The following JAK1 variants were observed in gnomAD, a reference collection of about 807,000 sequenced individuals.
JAK1 encodes the protein tyrosine-protein kinase JAK1.
JAK1 carries 16 observed loss-of-function variants against 136.6 expected under a neutral mutation model. The ratio of observed to expected loss-of-function variants is 0.12; its 90% CI spans 0.08 to 0.18. JAK1 has a LOEUF of 0.18. Among genes scored for constraint, JAK1 ranks in the 10% least tolerant of loss-of-function variants. The pLI is 1.00. For synonymous variants in JAK1, 492 were observed against 519.5 expected, an observed-to-expected ratio of 0.95 and a Z score of 0.72; for missense variants, 859 against 1,450.1, an observed-to-expected ratio of 0.59 and a Z score of 6.62.
chr1:65,019,978 C>A lies in JAK1; in HGVS notation c.-78+24502G>T, dbSNP rs149649301. Among the ~76,000 whole-genome samples, 249 of 151,776 alleles carry A rather than the reference C, an allele frequency of 1.6e-3. 1 individual carries two copies. Among genetic ancestry groups the A allele is most frequent in the African/African-American group, 5.8e-3 (242 of 41,384 alleles). ...TGGTGGCTCACGCCTGTAATCAAAG[C>A]ACTTTGGGAGGCCAAGGTGGGCAGA... is the stretch of plus-strand genomic sequence containing the variant. On this transcript the variant is annotated intron_variant, in intron 2 of 25. Coordinates refer to the JAK1 transcript ENST00000671954.
At chr1:65,024,660 C>CAAAAA in intron 2 of JAK1, among the ~76,000 whole-genome samples, 534 of 68,498 alleles carry the variant, frequency 7.8e-3, no homozygotes, top group Middle Eastern at 0.02. Flanking sequence ...TGGTCCAAAG[C>CAAAAA]AAAAAAAAAA....
At chr1:64,900,279 A>G (rs1645084573) in intron 1 of JAK1, among the ~76,000 whole-genome samples, 1 of 152,234 alleles carries the variant, frequency 6.6e-6, no homozygotes, top group African/African-American at 2.4e-5. Context: ...GAGGACAAAG[A>G]GATCATTCTA....
intron 1 of JAK1, among the ~76,000 whole-genome samples, chr1:64,913,193 T>C (rs764225861): frequency 1.2e-4 from 18 of 152,162 alleles, no homozygotes; most frequent in Non-Finnish European, 2.4e-4. Context: ...CTGGCTAATT[T>C]TTCTATTTTT....
At chr1:64,950,919 T>A (rs1646074246) in intron 1 of JAK1, among the ~76,000 whole-genome samples, 1 of 152,236 alleles carries the variant, frequency 6.6e-6, no homozygotes, top group African/African-American at 2.4e-5. Context: ...CTCTGATTCC[T>A]TTATTTCTCC....
chr1:64,882,120 T>G (rs1028242470), intron 3 of JAK1, among the ~76,000 whole-genome samples: 1 of 152,178 alleles, frequency 6.6e-6, no homozygotes, highest in African/African-American at 2.4e-5. Flanking sequence ...CAGCCCATTT[T>G]ATTCTGTGTC....
chr1:64,850,255 A>G (rs1655503805), intron 12 of JAK1, among the ~76,000 whole-genome samples: 1 of 152,170 alleles, frequency 6.6e-6, no homozygotes, highest in African/African-American at 2.4e-5. Context: ...GCCCCTGGGG[A>G]GATCCTGGGC....
Position 64,902,583 on chromosome 1 carries a change from A to AGAGAGAGAGAGAGAGT in JAK1, c.-77-16243_-77-16242insACTCTCTCTCTCTCTC. 2.1e-3 allele frequency among the ~76,000 whole-genome samples: 158 copies of AGAGAGAGAGAGAGAGT among 73,792 alleles called. 2 individuals carry two copies. The Middle Eastern group carries it at 0.031, about 15-fold the overall frequency. 48.4% of individuals were successfully genotyped at this position (73,792 alleles called of 152,430 possible). On this transcript the variant is annotated intron_variant, in intron 1 of 24. Coordinates refer to ENST00000342505, the MANE Select transcript of JAK1 (RefSeq NM_002227.4). ...GAGAGAGAGAGAGAGAGAGAGAGAG[A>AGAGAGAGAGAGAGAGT]GTGTGTGTGTGTGTGTGTGTGTGTG...
At chr1:65,062,129 C>A (rs974510304) in intron 1 of JAK1, among the ~76,000 whole-genome samples, 1 of 152,112 alleles carries the variant, frequency 6.6e-6, no homozygotes, top group African/African-American at 2.4e-5. Context: ...CAAAAAGGCT[C>A]CAGGAGACTA....
chr1:65,001,939 G>A (rs992416310), intron 2 of JAK1, among the ~76,000 whole-genome samples: 10 of 151,948 alleles, frequency 6.6e-5, no homozygotes, highest in African/African-American at 2.4e-4. Context: ...GTTAAGGAGC[G>A]TGAGTGCCCT....
intron 1 of JAK1, among the ~76,000 whole-genome samples, chr1:65,051,331 T>C (rs1229762437): frequency 2.6e-5 from 4 of 152,194 alleles, no homozygotes; most frequent in South Asian, 2.1e-4. Flanking sequence ...CCCAGTGATA[T>C]GGTTTTCCAG....
chr1:65,028,207 A>G (rs1646994251), intron 2 of JAK1, among the ~76,000 whole-genome samples: 1 of 152,078 alleles, frequency 6.6e-6, no homozygotes, highest in South Asian at 2.1e-4. Context: ...GTGTTGTCTC[A>G]TCAGTGAGTC....
intron 1 of JAK1, among the ~76,000 whole-genome samples, chr1:64,890,361 T>A (rs1298258401): frequency 2.0e-5 from 3 of 152,058 alleles, no homozygotes; most frequent in Admixed American, 6.5e-5. Flanking sequence ...GTAAGCAACA[T>A]TATGCAATGA....
rs1216593596 is a variant in JAK1, at chr1:64,844,364, G to C, written c.2252-149C>G. 28 of 1,034,040 alleles carry C rather than the reference G, an allele frequency of 2.7e-5. No individual in the cohort carries two copies. Among genetic ancestry groups the C allele is most frequent in the Non-Finnish European group, 4.1e-5 (28 of 690,464 alleles). 64.1% of individuals were successfully genotyped at this position (1,034,040 alleles called of 1,614,324 possible). On this transcript the variant is annotated intron_variant, in intron 16 of 24. Coordinates refer to ENST00000342505, the MANE Select transcript of JAK1 (RefSeq NM_002227.4). The surrounding 1 kb of genome is among the most constrained non-coding windows in gnomAD (Gnocchi z 5.7). ...GCCCATGGCCACATAGGCCCTGTGC[G>C]GGGGGCCTGCAGGCGTGCAGCCCTC...
chr1:65,021,276 GAGA>G (rs1646934981), intron 2 of JAK1, among the ~76,000 whole-genome samples: 1 of 152,188 alleles, frequency 6.6e-6, no homozygotes, highest in Non-Finnish European at 1.5e-5. Flanking sequence ...AAGGTTTGGG[GAGA>G]AGGAGAAATG....
chr1:64,840,196 G>T (rs1053323476), intron 19 of JAK1, among the ~76,000 whole-genome samples: 1 of 152,214 alleles, frequency 6.6e-6, no homozygotes, highest in African/African-American at 2.4e-5. Context: ...GAAGACGTGA[G>T]ATCAGGTTCC....
At chr1:64,982,354 A>G (rs914195917) in intron 2 of JAK1, among the ~76,000 whole-genome samples, 1 of 152,194 alleles carries the variant, frequency 6.6e-6, no homozygotes, top group Non-Finnish European at 1.5e-5. Context: ...ACACAAGAGC[A>G]GATTAACCAT....
At chr1:64,933,676 C>A (rs929716030) in intron 1 of JAK1, among the ~76,000 whole-genome samples, 18 of 152,094 alleles carry the variant, frequency 1.2e-4, no homozygotes, top group Admixed American at 7.2e-4. Flanking sequence ...AATTGTGGTG[C>A]CAGAATTCAC....
At chr1:64,972,623 T>G (rs1366066658) in intron 2 of JAK1, 1 of 152,188 alleles carries the variant, frequency 6.6e-6, no homozygotes, top group Non-Finnish European at 1.5e-5. Context: ...ACTCCATCTC[T>G]GCAAAAAATA....
At chr1:64,851,482 G>C (rs1018042225) in intron 11 of JAK1, among the ~76,000 whole-genome samples, 1 of 152,206 alleles carries the variant, frequency 6.6e-6, no homozygotes, top group African/African-American at 2.4e-5. Context: ...GAAGATCAGG[G>C]CAGGAGACCC....
Sources: allele counts gnomAD v4.1 joint callset (sites outside exome capture counted in the v4.1 genomes callset), GRCh38; gene constraint gnomAD v4.1.1; non-coding constraint Gnocchi (gnomAD v3.1); transcripts MANE v1.5; gene names NCBI Gene and HGNC (gene_info 2026-07-23, HGNC 2026-07-21).